The following LIPI variants were observed in gnomAD, a reference collection of about 807,000 sequenced individuals.
LIPI encodes the protein lipase I, also known as lipase member I.
A neutral mutation model predicts 50.6 loss-of-function variants in LIPI; 59 were observed. That is an observed-to-expected ratio of 1.16 (90% CI 0.94 to 1.45). The LOEUF is 1.45. Ranked by LOEUF, LIPI falls within the 40% of genes most tolerant of loss-of-function variation. LIPI has a pLI of 0.00. For synonymous variants in LIPI, 203 were observed against 178.2 expected (o/e 1.14, Z -1.11); for missense variants, 586 against 536.3 (o/e 1.09, Z -0.92).
chr21:14,190,708 T>C (rs1337687504), intron 1 of LIPI, among the ~76,000 whole-genome samples: 1 of 152,226 alleles, frequency 6.6e-6, no homozygotes, highest in East Asian at 1.9e-4. Context: ...ATTTCATTTG[T>C]TGTAAATATC....
Position 14,186,051 on chromosome 21 carries a change from C to G in LIPI, c.451G>C (p.Asp151His). 6.3e-7 allele frequency: 1 copy of G among 1,591,038 alleles called. No homozygotes were observed. The highest frequency in any genetic ancestry group is 8.6e-7 in the Non-Finnish European group (1 of 1,159,296). ...CTCACACCTATGAAATGAAAATTGTCAAGAGATGCACCATGCTTCTGCAAT... is the reference window on the plus strand; with the variant it reads ...CTCACACCTATGAAATGAAAATTGTGAAGAGATGCACCATGCTTCTGCAAT... ...KNLLKHGASL[D>H]NFHFIGVSLG... The change falls in exon 3 of 10, where the codon GAC becomes CAC. Residue 151 changes from aspartate to histidine, a missense_variant. Coordinates refer to ENST00000681601, the MANE Select transcript of LIPI (RefSeq NM_001302998.2).
chr21:14,115,405 G>A (rs565704679), intron 9 of LIPI, among the ~76,000 whole-genome samples: 1 of 151,230 alleles, frequency 6.6e-6, no homozygotes, highest in Non-Finnish European at 1.5e-5. Context: ...CTTAAAAGGT[G>A]GCTGCTTTCT....
intron 4 of LIPI, among the ~76,000 whole-genome samples, chr21:14,170,548 G>C (rs955369259): frequency 6.6e-6 from 1 of 152,326 alleles, no homozygotes; most frequent in Non-Finnish European, 1.5e-5. Flanking sequence ...TGGCATGCAA[G>C]GCTGGTTCAA....
intron 2 of LIPI, among the ~76,000 whole-genome samples, chr21:14,187,090 C>T (rs1429803651): frequency 6.6e-6 from 1 of 152,158 alleles, no homozygotes; most frequent in East Asian, 1.9e-4. Context: ...ATGATTCTCA[C>T]TTCAGAGATG....
intron 8 of LIPI, among the ~76,000 whole-genome samples, chr21:14,147,603 C>T (rs539072815): frequency 1.8e-4 from 27 of 151,960 alleles, no homozygotes; most frequent in Non-Finnish European, 3.7e-4. Flanking sequence ...GAATTGTATC[C>T]CCTATTCCTA....
chr21:14,126,356 AC>A (rs2017065240), intron 9 of LIPI, among the ~76,000 whole-genome samples: 1 of 152,234 alleles, frequency 6.6e-6, no homozygotes, highest in Non-Finnish European at 1.5e-5. Context: ...ACAATAGAAT[AC>A]TATTCATAAT....
intron 3 of LIPI, among the ~76,000 whole-genome samples, chr21:14,182,429 T>C (rs2019305558): frequency 6.6e-6 from 1 of 152,154 alleles, no homozygotes. Context: ...AATTTCTAAA[T>C]AAAAATGCTA....
intron 9 of LIPI, among the ~76,000 whole-genome samples, chr21:14,118,294 T>G (rs1454929236): frequency 6.6e-6 from 1 of 151,966 alleles, no homozygotes; most frequent in Non-Finnish European, 1.5e-5. Context: ...AAAATAGACT[T>G]TATGGTAGAC....
chr21:14,157,661 T>C (rs1459039023), intron 7 of LIPI, among the ~76,000 whole-genome samples: 2 of 151,866 alleles, frequency 1.3e-5, no homozygotes, highest in Admixed American at 1.3e-4. Flanking sequence ...TATGCTACCA[T>C]TTCTACATTT....
intron 2 of LIPI, among the ~76,000 whole-genome samples, chr21:14,186,802 G>A (rs2019472161): frequency 6.6e-6 from 1 of 152,164 alleles, no homozygotes; most frequent in Non-Finnish European, 1.5e-5. Flanking sequence ...CACCATGTGA[G>A]GACACAGTGA....
chr21:14,204,279 A>T (rs1409374123), intron 1 of LIPI, among the ~76,000 whole-genome samples: 6 of 151,862 alleles, frequency 4.0e-5, no homozygotes, highest in African/African-American at 1.5e-4. Context: ...TTTGCAAATT[A>T]GTCTTTTTTT....
chr21:14,114,037 G>C (rs990719355), intron 9 of LIPI, among the ~76,000 whole-genome samples: 14 of 152,056 alleles, frequency 9.2e-5, no homozygotes, highest in African/African-American at 3.1e-4. Flanking sequence ...AATTAGCCAG[G>C]CGTGGTGGCA....
At chr21:14,162,701 T>C (rs1600880577) in intron 7 of LIPI, among the ~76,000 whole-genome samples, 1 of 151,858 alleles carries the variant, frequency 6.6e-6, no homozygotes, top group Non-Finnish European at 1.5e-5. Context: ...TGAAGAATAA[T>C]ATATTGAAGT....
chr21:14,194,015 T>C (rs1051569459), intron 1 of LIPI, among the ~76,000 whole-genome samples: 1 of 152,060 alleles, frequency 6.6e-6, no homozygotes, highest in African/African-American at 2.4e-5. Context: ...TATCCAAAAG[T>C]TCCATAAGCT....
chr21:14,162,065 TGATA>T (rs562252357), intron 7 of LIPI, among the ~76,000 whole-genome samples: 72 of 148,794 alleles, frequency 4.8e-4, no homozygotes, highest in African/African-American at 1.4e-3. Context: ...CTACCCCTAT[TGATA>T]GATAGATAGA....
rs2020347741 is a variant in LIPI, at chr21:14,210,950, T to A, written c.-105A>T. ...AGGATCATCACAGGCTGGCAGGTTCTTCTGTAAAAGTTCACTGATTTTTGC... is the reference window on the plus strand; with the variant it reads ...AGGATCATCACAGGCTGGCAGGTTCATCTGTAAAAGTTCACTGATTTTTGC... On this transcript the variant is annotated 5_prime_UTR_variant, in exon 1 of 10. The change creates a new upstream start codon in the 5' untranslated region. Transcript: ENST00000681601. 1.9e-6 allele frequency: 2 copies of A among 1,065,054 alleles called. No homozygotes were observed. The highest frequency in any genetic ancestry group is 2.3e-6 in the Non-Finnish European group (2 of 875,752). 66.0% of individuals were successfully genotyped at this position (1,065,054 alleles called of 1,614,324 possible).
chr21:14,161,520 G>A (rs1167027141), intron 7 of LIPI, among the ~76,000 whole-genome samples: 2 of 125,474 alleles, frequency 1.6e-5, no homozygotes, highest in African/African-American at 3.0e-5. Flanking sequence ...TAGATATATA[G>A]ATATAGATAT....
At chr21:14,192,243 T>C (rs1388097548) in intron 1 of LIPI, among the ~76,000 whole-genome samples, 2 of 152,116 alleles carry the variant, frequency 1.3e-5, no homozygotes, top group Non-Finnish European at 2.9e-5. Flanking sequence ...GCTGGGTGGG[T>C]CACCTGAGAT....
chr21:14,157,007 C>T (rs2018297570), intron 7 of LIPI, among the ~76,000 whole-genome samples: 1 of 151,740 alleles, frequency 6.6e-6, no homozygotes, highest in African/African-American at 2.4e-5. Flanking sequence ...TGGCAGGTAG[C>T]TTAGTGGAAT....
Sources: gnomAD v4.1 joint callset for allele counts (sites outside exome capture counted in the v4.1 genomes callset) on GRCh38, gnomAD v4.1.1 for gene constraint, MANE v1.5 for transcripts, NCBI Gene and HGNC (gene_info 2026-07-23, HGNC 2026-07-21) for gene names.